Variants in SYNPR observed in about 807,000 individuals in gnomAD.
SYNPR encodes the protein synaptoporin.
In SYNPR, 23 loss-of-function variants were observed where a neutral mutation model predicts 32.9. The ratio of observed to expected loss-of-function variants is 0.70; its 90% CI spans 0.50 to 0.99. The LOEUF is 0.99. Ranked by LOEUF, SYNPR falls within the 50% of genes least tolerant of loss-of-function variation. The pLI is 0.00. For missense variants in SYNPR, 318 were observed against 349.3 expected (o/e 0.91, Z 0.71); for synonymous variants, 146 against 135.9 (o/e 1.07, Z -0.52).
At chr3:63,430,697 G>T (rs1337942973) in intron 2 of SYNPR, among the ~76,000 whole-genome samples, 1 of 152,230 alleles carries the variant, frequency 6.6e-6, no homozygotes, top group Non-Finnish European at 1.5e-5. Context: ...GTATAACACT[G>T]TGCTATCTGA....
upstream of SYNPR, among the ~76,000 whole-genome samples, chr3:63,224,122 T>C (rs1202723342): frequency 2.0e-5 from 3 of 152,216 alleles, no homozygotes; most frequent in Admixed American, 2.0e-4. Context: ...GGACCAGTAC[T>C]GATCCATGGC....
chr3:63,269,376 C>T (rs2086515333), intron 3 of SYNPR, among the ~76,000 whole-genome samples: 1 of 152,008 alleles, frequency 6.6e-6, no homozygotes, highest in African/African-American at 2.4e-5. Flanking sequence ...ATAATCCCAG[C>T]TACTTGGGAG....
At chr3:63,402,837 T>G (rs913444014) in intron 2 of SYNPR, among the ~76,000 whole-genome samples, 1 of 152,174 alleles carries the variant, frequency 6.6e-6, no homozygotes, top group Admixed American at 6.5e-5. Context: ...GACATAGTCA[T>G]TGCAAGTGTG....
chr3:63,607,671 A>G (rs550256175), intron 4 of SYNPR, among the ~76,000 whole-genome samples: 1 of 152,248 alleles, frequency 6.6e-6, no homozygotes, highest in African/African-American at 2.4e-5. Context: ...GCCAACATGA[A>G]AAAAGGTAAA....
At chr3:63,600,886 T>C (rs1390133245) in intron 4 of SYNPR, among the ~76,000 whole-genome samples, 1 of 152,202 alleles carries the variant, frequency 6.6e-6, no homozygotes, top group African/African-American at 2.4e-5. Flanking sequence ...ACTAATACAA[T>C]GCCCAAAGCC....
chr3:63,338,396 G>C (rs1043904508), intron 2 of SYNPR, among the ~76,000 whole-genome samples: 3 of 152,154 alleles, frequency 2.0e-5, no homozygotes, highest in Non-Finnish European at 4.4e-5. Flanking sequence ...GGAGTGTCTA[G>C]CTTTCTCGAT....
intron 2 of SYNPR, chr3:63,427,402 A>T (rs1323471857): frequency 2.6e-5 from 4 of 152,230 alleles, no homozygotes; most frequent in Non-Finnish European, 5.9e-5. Flanking sequence ...TGTATAAAGT[A>T]TGTATCAACT....
rs367912436 is a variant in SYNPR, at chr3:63,502,015, T to C, written c.209+21059T>C. Among the ~76,000 whole-genome samples, 6 of 152,300 alleles carry C rather than the reference T, an allele frequency of 3.9e-5. No homozygotes were observed. The East Asian group carries it at 1.2e-3, about 29-fold the overall frequency. ...GACTTAGTATGAAGAAAATAATATT[T>C]AAGTCTCATTAATAATTATTTATAT... On this transcript the variant is annotated intron_variant, in intron 3 of 5. Transcript: ENST00000478300.
chr3:63,424,807 A>G (rs1699864539), intron 2 of SYNPR, among the ~76,000 whole-genome samples: 2 of 152,124 alleles, frequency 1.3e-5, no homozygotes, highest in South Asian at 4.1e-4. Context: ...TTTCCTTACC[A>G]CTCTTCATAA....
At chr3:63,275,975 T>C (rs2086570962), upstream of SYNPR, among the ~76,000 whole-genome samples, 1 of 152,164 alleles carries the variant, frequency 6.6e-6, no homozygotes, top group African/African-American at 2.4e-5. Context: ...GGTTATGTTG[T>C]GCTGCAGTAA....
chr3:63,428,048 G>A (rs1038037905), intron 2 of SYNPR, among the ~76,000 whole-genome samples: 1 of 151,866 alleles, frequency 6.6e-6, no homozygotes, highest in African/African-American at 2.4e-5. Context: ...CTTTTTTATT[G>A]TCCTTATCTT....
chr3:63,310,348 G>A (rs2086951515), intron 2 of SYNPR, among the ~76,000 whole-genome samples: 1 of 152,032 alleles, frequency 6.6e-6, no homozygotes, highest in Non-Finnish European at 1.5e-5. Flanking sequence ...TGATTGAGAA[G>A]TCCAAGGATA....
chr3:63,295,570 C>T (rs1413981164), intron 2 of SYNPR, among the ~76,000 whole-genome samples: 2 of 152,202 alleles, frequency 1.3e-5, no homozygotes, highest in East Asian at 3.9e-4. Context: ...GGTGGTTTCA[C>T]AGAAACTGCT....
At position 63,441,998 on chromosome 3, in the gene SYNPR, G is replaced by A. The variant is rs543999342; in HGVS notation, c.85-38834G>A. Among the ~76,000 whole-genome samples the A allele has an allele frequency of 2.6e-5, 4 of 152,310 alleles. No homozygotes were observed. The South Asian group carries it at 8.3e-4, about 32-fold the overall frequency. On this transcript the variant is annotated intron_variant, in intron 2 of 5. Coordinates refer to ENST00000478300, the MANE Select transcript of SYNPR (RefSeq NM_001130003.2). ...CGCAGGCCACATGACTAGTAAGTGGGAGACCAGGACTAGAACCCAAGTTGC... is the reference window on the plus strand; with the variant it reads ...CGCAGGCCACATGACTAGTAAGTGGAAGACCAGGACTAGAACCCAAGTTGC...
chr3:63,318,603 T>G (rs1347673253), intron 2 of SYNPR, among the ~76,000 whole-genome samples: 3 of 151,988 alleles, frequency 2.0e-5, no homozygotes, highest in Non-Finnish European at 4.4e-5. Flanking sequence ...GTTTCCTGAA[T>G]TTTTGATTGT....
chr3:63,529,318 C>G (rs1266822296), intron 3 of SYNPR, among the ~76,000 whole-genome samples: 1 of 152,128 alleles, frequency 6.6e-6, no homozygotes, highest in Admixed American at 6.5e-5. Context: ...ATGTAAATAG[C>G]TGTTATAATG....
chr3:63,206,210 G>A, the SYNPR span, among the ~76,000 whole-genome samples: 1 of 152,062 alleles, frequency 6.6e-6, no homozygotes, highest in Non-Finnish European at 1.5e-5. Context: ...GGATTCTTAG[G>A]TGCCCTAAAA....
the SYNPR span, among the ~76,000 whole-genome samples, chr3:63,202,496 G>T: frequency 6.6e-6 from 1 of 152,112 alleles, no homozygotes; most frequent in East Asian, 1.9e-4. Flanking sequence ...CCCTCAGTGG[G>T]CCGTGAACAC....
At position 63,432,773 on chromosome 3, in the gene SYNPR, C is replaced by T. The variant is rs142015553; in HGVS notation, c.85-48059C>T. On this transcript the variant is annotated intron_variant, in intron 2 of 5. Coordinates refer to ENST00000478300, the MANE Select transcript of SYNPR (RefSeq NM_001130003.2). ...ACCTTTGGTGAGACTCCCCTTCCTGCTCAGAGCTTGTGTTGAACATGGAAC... is the reference window on the plus strand; with the variant it reads ...ACCTTTGGTGAGACTCCCCTTCCTGTTCAGAGCTTGTGTTGAACATGGAAC... Among the ~76,000 whole-genome samples, 1,114 of 152,290 alleles carry T rather than the reference C, an allele frequency of 7.3e-3. 18 individuals are homozygous for T. The highest frequency in any genetic ancestry group is 0.025 in the African/African-American group (1,040 of 41,560).
Sources: gnomAD v4.1 joint callset for allele counts (sites outside exome capture counted in the v4.1 genomes callset) on GRCh38, gnomAD v4.1.1 for gene constraint, MANE v1.5 for transcripts, NCBI Gene and HGNC (gene_info 2026-07-23, HGNC 2026-07-21) for gene names.